TENM4: variants seen among roughly 807,000 people sequenced by gnomAD.
The protein encoded by TENM4 is teneurin transmembrane protein 4, also known as teneurin-4.
Under a neutral mutation model 243.3 loss-of-function variants are expected in TENM4, and 82 were observed. That is an observed-to-expected ratio of 0.34 (90% CI 0.28 to 0.40). The LOEUF (loss-of-function observed/expected upper bound fraction) is 0.40, where lower values mean the gene tolerates loss of function less well. TENM4 is among the 10% of genes least tolerant of loss of function. The pLI, the probability that TENM4 is intolerant of heterozygous loss-of-function variation, is 1.00. For missense variants in TENM4, 3,138 were observed against 3,673.3 expected, an observed-to-expected ratio of 0.85 and a Z score of 3.77; for synonymous variants, 1,412 against 1,456.3, an observed-to-expected ratio of 0.97 and a Z score of 0.69.
chr11:78,886,940 T>G (rs1015763826), intron 9 of TENM4, among the ~76,000 whole-genome samples: 1 of 152,218 alleles, frequency 6.6e-6, no homozygotes, highest in Non-Finnish European at 1.5e-5. Context: ...TTGTCAGTGT[T>G]GTAATTGAAG....
chr11:79,133,973 C>T (rs1862061699), intron 4 of TENM4, among the ~76,000 whole-genome samples: 1 of 152,118 alleles, frequency 6.6e-6, no homozygotes, highest in South Asian at 2.1e-4. Flanking sequence ...TCTTCTTCAA[C>T]ACAACACTGG....
At chr11:78,996,978 C>A (rs1189106668) in intron 6 of TENM4, among the ~76,000 whole-genome samples, 1 of 151,656 alleles carries the variant, frequency 6.6e-6, no homozygotes, top group African/African-American at 2.4e-5. Context: ...TGGGAGGCCT[C>A]TGGAGGCTTC....
chr11:79,161,654 C>G (rs1862748669), intron 3 of TENM4, among the ~76,000 whole-genome samples: 1 of 152,200 alleles, frequency 6.6e-6, no homozygotes, highest in Non-Finnish European at 1.5e-5. Context: ...GAAGGAGCCA[C>G]TTCGCCAATA....
chr11:79,335,737 G>C (rs952382178), intron 1 of TENM4, among the ~76,000 whole-genome samples: 3 of 152,164 alleles, frequency 2.0e-5, no homozygotes, highest in African/African-American at 7.2e-5. Flanking sequence ...GAGGGGACAT[G>C]GTCTGGGAAA....
At chr11:79,097,468 A>T (rs1306911962) in intron 4 of TENM4, 4 of 152,126 alleles carry the variant, frequency 2.6e-5, no homozygotes, top group Non-Finnish European at 4.4e-5. Context: ...CTTTGGGCTG[A>T]GGGCCCAGGA....
intron 6 of TENM4, among the ~76,000 whole-genome samples, chr11:79,052,394 T>C (rs1037370947): frequency 3.9e-5 from 6 of 152,212 alleles, no homozygotes; most frequent in African/African-American, 1.4e-4. Flanking sequence ...CTTTCTTTCG[T>C]ATGTTTGTTG....
chr11:79,358,607 C>G (rs1248809355), intron 1 of TENM4, among the ~76,000 whole-genome samples: 7 of 151,710 alleles, frequency 4.6e-5, no homozygotes, highest in Non-Finnish European at 8.8e-5. Context: ...CCCTCCTTCC[C>G]TTCCTCCCTT....
At chr11:79,148,565 C>T (rs904810108) in intron 4 of TENM4, 145 bp downstream of exon 4, 4 of 159,062 alleles carry the variant, frequency 2.5e-5, no homozygotes, top group African/African-American at 9.7e-5. Context: ...GTTCATTGTT[C>T]TTAGGGAAAA....
intron 4 of TENM4, chr11:79,097,943 G>T (rs1466431510): frequency 6.6e-6 from 1 of 151,878 alleles, no homozygotes; most frequent in East Asian, 1.9e-4. Context: ...AATAAAACAT[G>T]AAACTATACA....
chr11:78,740,415 G>A (rs1855894670), intron 19 of TENM4, among the ~76,000 whole-genome samples: 1 of 144,070 alleles, frequency 6.9e-6, no homozygotes, highest in African/African-American at 2.6e-5. Flanking sequence ...AATTCAGTCA[G>A]TGGTTTCCTT....
rs187298875 is a variant in TENM4 at position 78,926,316 on chromosome 11, G to C, written c.494-22793C>G. Among the ~76,000 whole-genome samples the C allele has an allele frequency of 1.0e-4, 15 of 143,100 alleles. No homozygotes were observed. In the Admixed American group the frequency reaches 1.1e-3, roughly 10 times the overall value. 93.9% of individuals were successfully genotyped at this position (143,100 alleles called of 152,430 possible). A position where few individuals can be genotyped will look rare whatever the true frequency, so the allele number is the denominator to read the frequency against. On this transcript the variant is annotated intron_variant, in intron 6 of 33. Coordinates refer to ENST00000278550, the MANE Select transcript of TENM4 (RefSeq NM_001098816.3). ...TTTTGAGGCAGAGTCTTTCTCTGTC[G>C]CCCAGGCTGGAGTGCAGTGGCATGA...
chr11:78,757,054 G>A (rs932338338), intron 18 of TENM4, 33 bp from the exon 19 acceptor site: 35 of 1,584,954 alleles, frequency 2.2e-5, no homozygotes, highest in Non-Finnish European at 2.9e-5. Context: ...GGTTTATATT[G>A]CTATGTTCAA....
At chr11:78,844,582 C>A (rs1858342372) in intron 12 of TENM4, among the ~76,000 whole-genome samples, 1 of 151,710 alleles carries the variant, frequency 6.6e-6, no homozygotes, top group African/African-American at 2.4e-5. Flanking sequence ...GTGGAGTTTG[C>A]AGTGAACCAA....
rs572262487 is a variant in TENM4, at chr11:78,958,720, C to T, written c.494-55197G>A. Among the ~76,000 whole-genome samples the T allele has an allele frequency of 7.2e-5, 11 of 152,284 alleles. No individual in the cohort carries two copies. The East Asian group carries it at 9.6e-4, about 13-fold the overall frequency. On this transcript the variant is annotated intron_variant, in intron 6 of 33. Coordinates refer to ENST00000278550, the MANE Select transcript of TENM4 (RefSeq NM_001098816.3). ...TGCTGGAGAGTCCAGCGCAAGCTCC[C>T]GGGAAGGCTGGCTCCAACAGCCTCA...
At chr11:78,804,261 T>C (rs1165016658) in intron 15 of TENM4, among the ~76,000 whole-genome samples, 2 of 152,228 alleles carry the variant, frequency 1.3e-5, no homozygotes, top group Admixed American at 1.3e-4. Context: ...TCAGTTCACT[T>C]ATCTCCATTT....
chr11:79,347,873 G>T (rs1033560258), intron 1 of TENM4, among the ~76,000 whole-genome samples: 1 of 143,210 alleles, frequency 7.0e-6, no homozygotes, highest in African/African-American at 2.6e-5. Context: ...TCCGCTTCCC[G>T]GGTTCACGCC....
At chr11:79,010,300 C>T (rs2852253) in intron 6 of TENM4, among the ~76,000 whole-genome samples, 66,936 of 151,382 alleles carry the variant, frequency 0.44, 15,772 homozygotes, top group African/African-American at 0.62. Context: ...TCACTGTTTG[C>T]GGGGAGAAGG....
intron 1 of TENM4, among the ~76,000 whole-genome samples, chr11:79,352,381 C>A (rs1297067684): frequency 6.6e-6 from 1 of 152,196 alleles, no homozygotes; most frequent in East Asian, 1.9e-4. Flanking sequence ...GCCACAGAGG[C>A]TTTGGGTTCC....
At position 79,153,903 on chromosome 11, in the gene TENM4, T is replaced by A. The variant is rs539418938; in HGVS notation, c.-162-5097A>T. Among the ~76,000 whole-genome samples the A allele has an allele frequency of 7.2e-5, 11 of 152,266 alleles. No individual in the cohort carries two copies. The East Asian group carries it at 2.1e-3, about 29-fold the overall frequency. ...TAGTGATCTTAGGTAAGGTAAGTCA[T>A]CCATTTTGGAAGGACTTCAGTTTTC... On this transcript the variant is annotated intron_variant, in intron 3 of 33. Coordinates refer to ENST00000278550, the MANE Select transcript of TENM4 (RefSeq NM_001098816.3).
Sources: gnomAD v4.1 joint callset for allele counts (sites outside exome capture counted in the v4.1 genomes callset) on GRCh38, gnomAD v4.1.1 for gene constraint, MANE v1.5 for transcripts, NCBI Gene and HGNC (gene_info 2026-07-23, HGNC 2026-07-21) for gene names.